The following SERPINI1 variants were observed in gnomAD, a reference collection of about 807,000 sequenced individuals.
SERPINI1 encodes the protein serpin family I member 1, also known as neuroserpin.
In SERPINI1, 19 loss-of-function variants were observed where a neutral mutation model predicts 41.1. The observed-to-expected ratio is 0.46, with a 90% confidence interval of 0.32 to 0.68. SERPINI1 has a LOEUF of 0.68. Among genes scored for constraint, SERPINI1 ranks in the 30% least tolerant of loss-of-function variants. The pLI, the probability that SERPINI1 is intolerant of heterozygous loss-of-function variation, is 0.03. For missense variants in SERPINI1, 460 were observed against 479.2 expected, an observed-to-expected ratio of 0.96 and a Z score of 0.37; for synonymous variants, 138 against 156.6, an observed-to-expected ratio of 0.88 and a Z score of 0.89.
chr3:167,796,087 A>C (rs1440551504), intron 5 of SERPINI1, among the ~76,000 whole-genome samples: 3 of 152,228 alleles, frequency 2.0e-5, no homozygotes, highest in Middle Eastern at 3.4e-3. Context: ...TGATTAACCC[A>C]TTCATATTTA....
intron 6 of SERPINI1, among the ~76,000 whole-genome samples, chr3:167,817,891 G>A (rs983382153): frequency 2.0e-4 from 31 of 151,438 alleles, no homozygotes; most frequent in African/African-American, 5.9e-4. Flanking sequence ...GAGCCACCGC[G>A]CCCGGCCAAA....
intron 5 of SERPINI1, among the ~76,000 whole-genome samples, chr3:167,803,521 A>G (rs1484894211): frequency 2.6e-5 from 4 of 152,122 alleles, no homozygotes; most frequent in Admixed American, 1.3e-4. Flanking sequence ...GCACCATCCT[A>G]TGATCTAACC....
At chr3:167,802,201 G>A (rs1369793697) in intron 5 of SERPINI1, among the ~76,000 whole-genome samples, 13 of 152,066 alleles carry the variant, frequency 8.5e-5, no homozygotes, top group African/African-American at 2.2e-4. Context: ...ATTACCATTC[G>A]GGACATAGGC....
intron 1 of SERPINI1, among the ~76,000 whole-genome samples, chr3:167,782,049 A>C (rs74782424): frequency 0.011 from 1,642 of 152,298 alleles, 24 homozygotes; most frequent in African/African-American, 0.036. Context: ...ACCTACTTCT[A>C]CCTTTTCTAC....
At chr3:167,752,116 T>G (rs1387247522) in intron 1 of SERPINI1, among the ~76,000 whole-genome samples, 1 of 152,174 alleles carries the variant, frequency 6.6e-6, no homozygotes, top group African/African-American at 2.4e-5. Flanking sequence ...TCTCTCTTCA[T>G]CCTCCTAAGT....
chr3:167,801,310 A>C (rs1210155020), intron 5 of SERPINI1, among the ~76,000 whole-genome samples: 1 of 152,246 alleles, frequency 6.6e-6, no homozygotes, highest in East Asian at 1.9e-4. Flanking sequence ...AAAGTTGCAA[A>C]TGCAGAAATT....
At chr3:167,811,127 C>T (rs1019829315) in intron 6 of SERPINI1, among the ~76,000 whole-genome samples, 2 of 151,644 alleles carry the variant, frequency 1.3e-5, no homozygotes, top group Non-Finnish European at 2.9e-5. Flanking sequence ...CAACTTCTTC[C>T]AGACCCCTGT....
intron 5 of SERPINI1, among the ~76,000 whole-genome samples, chr3:167,798,458 A>T (rs539379480): frequency 4.1e-4 from 63 of 152,222 alleles, no homozygotes; most frequent in Non-Finnish European, 7.5e-4. Flanking sequence ...GAAACTCTCC[A>T]CCTTCTCCAT....
intron 4 of SERPINI1, among the ~76,000 whole-genome samples, chr3:167,793,754 A>G (rs1384180568): frequency 1.3e-5 from 2 of 151,352 alleles, no homozygotes; most frequent in African/African-American, 4.9e-5. Context: ...CCCTGTCTCT[A>G]AAATTATATA....
chr3:167,769,606 T>C (rs182389165), intron 1 of SERPINI1, among the ~76,000 whole-genome samples: 3 of 152,322 alleles, frequency 2.0e-5, no homozygotes, highest in African/African-American at 4.8e-5. Context: ...ATTATAGACA[T>C]ATTCTACAAC....
chr3:167,813,483 C>G (rs1342748018), intron 6 of SERPINI1, among the ~76,000 whole-genome samples: 1 of 152,166 alleles, frequency 6.6e-6, no homozygotes, highest in Non-Finnish European at 1.5e-5. Context: ...AAGTTTCTCT[C>G]ACTTTACAAA....
At chr3:167,811,567 A>G (rs1202652816) in intron 6 of SERPINI1, among the ~76,000 whole-genome samples, 1 of 152,176 alleles carries the variant, frequency 6.6e-6, no homozygotes, top group East Asian at 1.9e-4. Context: ...AGAAAGTGAT[A>G]ACGGCAGTTG....
chr3:167,767,241 A>C (rs1726595893), intron 1 of SERPINI1, among the ~76,000 whole-genome samples: 1 of 152,216 alleles, frequency 6.6e-6, no homozygotes, highest in Non-Finnish European at 1.5e-5. Context: ...TGTGCTCTAC[A>C]AATGGAACAA....
At chr3:167,794,856 C>A in intron 5 of SERPINI1, 32 bp downstream of exon 5, 2 of 1,547,312 alleles carry the variant, frequency 1.3e-6, no homozygotes, top group Middle Eastern at 2.2e-4. Flanking sequence ...CGTCCCACAG[C>A]ATGGACGATG....
chr3:167,781,489 C>T (rs551352463), intron 1 of SERPINI1, among the ~76,000 whole-genome samples: 3 of 152,018 alleles, frequency 2.0e-5, no homozygotes, highest in Non-Finnish European at 4.4e-5. Flanking sequence ...ATTAGCAGAA[C>T]AAAAATTTAG....
intron 6 of SERPINI1, among the ~76,000 whole-genome samples, chr3:167,815,240 T>G (rs1334449287): frequency 6.6e-6 from 1 of 152,202 alleles, no homozygotes; most frequent in Non-Finnish European, 1.5e-5. Context: ...TTCTAAGATT[T>G]TGTGGCTGCA....
At chr3:167,771,821 G>A (rs897634492) in intron 1 of SERPINI1, among the ~76,000 whole-genome samples, 1 of 147,496 alleles carries the variant, frequency 6.8e-6, no homozygotes, top group Non-Finnish European at 1.5e-5. Flanking sequence ...GTGTGTGAGT[G>A]TGTGTGTGTG....
intron 1 of SERPINI1, among the ~76,000 whole-genome samples, chr3:167,758,522 G>A (rs1360920017): frequency 1.3e-5 from 2 of 152,096 alleles, no homozygotes; most frequent in East Asian, 1.9e-4. Context: ...GTCAAATATG[G>A]CATTAATCAT....
intron 1 of SERPINI1, among the ~76,000 whole-genome samples, chr3:167,764,772 G>A (rs1241740630): frequency 2.6e-5 from 4 of 152,210 alleles, no homozygotes; most frequent in Non-Finnish European, 5.9e-5. Context: ...AAGCAGGTTA[G>A]TTGCTTCATA....
Sources: gnomAD v4.1 joint callset for allele counts (sites outside exome capture counted in the v4.1 genomes callset) on GRCh38, gnomAD v4.1.1 for gene constraint, MANE v1.5 for transcripts, NCBI Gene and HGNC (gene_info 2026-07-23, HGNC 2026-07-21) for gene names.